TBL1X: variants seen among roughly 807,000 people sequenced by gnomAD.
The protein encoded by TBL1X is transducin beta like 1 X-linked, also known as F-box-like/WD repeat-containing protein TBL1X.
A neutral mutation model predicts 50.7 loss-of-function variants in TBL1X; 10 were observed. That is an observed-to-expected ratio of 0.20 (90% confidence interval 0.12 to 0.33). The LOEUF (loss-of-function observed/expected upper bound fraction) is 0.33, where lower values mean the gene tolerates loss of function less well. TBL1X is among the 10% of genes least tolerant of loss of function. The probability of loss-of-function intolerance (pLI) is 1.00; values close to 1 mark genes in which losing one functional copy is unlikely to be tolerated. For missense variants in TBL1X, 340 were observed against 504.4 expected, an observed-to-expected ratio of 0.67 and a Z score of 3.12; for synonymous variants, 190 against 214.7, an observed-to-expected ratio of 0.88 and a Z score of 1.01.
At chrX:9,616,971 C>T (rs916259362) in intron 2 of TBL1X, among the ~76,000 whole-genome samples, 9 of 111,618 alleles carry the variant, frequency 8.1e-5, no homozygotes, top group Admixed American at 2.9e-4. Flanking sequence ...CTTTTTTACC[C>T]GTGATGTGCA....
intron 2 of TBL1X, among the ~76,000 whole-genome samples, chrX:9,504,429 C>T (rs1368741273): frequency 1.8e-5 from 2 of 112,050 alleles, no homozygotes; most frequent in Non-Finnish European, 3.8e-5. Context: ...ATCAAGGGCA[C>T]AGAACTGGAC....
rs374281338 is a variant in TBL1X at position 9,653,579 on chromosome X, C to T, written c.-8C>T. 9.7e-5 allele frequency: 113 copies of T among 1,164,400 alleles called. No homozygotes were observed. The highest frequency in any genetic ancestry group is 1.3e-4 in the Non-Finnish European group (109 of 871,359). On this transcript the variant is annotated 5_prime_UTR_variant, in exon 4 of 18. Transcript: ENST00000645353. ...CCTCCTTGCAGAAACATCGAGGTGA[C>T]ATGTAGCATGACCGAGCTCGCTGGC...
At chrX:9,492,733 A>G (rs777057059) in intron 1 of TBL1X, among the ~76,000 whole-genome samples, 40 of 110,328 alleles carry the variant, frequency 3.6e-4, no homozygotes, top group African/African-American at 1.3e-3. Context: ...TCTGTTCGGT[A>G]TGCCTCTGTA....
chrX:9,709,490 G>A (rs1485386631), intron 14 of TBL1X, 143 bp from the exon 15 acceptor site: 24 of 999,470 alleles, frequency 2.4e-5, no homozygotes, highest in African/African-American at 5.7e-5. Context: ...ACTGAGAATC[G>A]CAGCCTCCCT....
intron 5 of TBL1X, among the ~76,000 whole-genome samples, chrX:9,664,934 A>T (rs1431368415): frequency 1.8e-5 from 2 of 111,096 alleles, no homozygotes; most frequent in Non-Finnish European, 3.8e-5. Context: ...GAGTGGGAAG[A>T]CATTTGTCAA....
At chrX:9,489,579 C>T (rs2081930690) in intron 1 of TBL1X, among the ~76,000 whole-genome samples, 1 of 111,380 alleles carries the variant, frequency 9.0e-6, no homozygotes. Flanking sequence ...TGATGTGTCT[C>T]CTCATCAGGG....
At chrX:9,661,713 G>A (rs182621143) in intron 5 of TBL1X, among the ~76,000 whole-genome samples, 62 of 111,137 alleles carry the variant, frequency 5.6e-4, no homozygotes, top group African/African-American at 1.8e-3. Context: ...CCACCAACAC[G>A]CAGCGAGGTT....
At chrX:9,687,828 C>A (rs919673841) in intron 6 of TBL1X, among the ~76,000 whole-genome samples, 189 bp from the exon 7 acceptor site, 2 of 111,205 alleles carry the variant, frequency 1.8e-5, no homozygotes, top group Non-Finnish European at 3.8e-5. Flanking sequence ...GTGTCCCCTT[C>A]CCTGCCCACC....
chrX:9,690,514 C>T (rs1279246011), intron 7 of TBL1X, among the ~76,000 whole-genome samples: 2 of 111,617 alleles, frequency 1.8e-5, no homozygotes, highest in Non-Finnish European at 3.8e-5. Context: ...CCCTTGTGAC[C>T]TCCTTTTACC....
chrX:9,499,148 T>C (rs1034177578), intron 1 of TBL1X, among the ~76,000 whole-genome samples: 4 of 111,718 alleles, frequency 3.6e-5, no homozygotes, highest in African/African-American at 1.3e-4. Context: ...TTCTTATGTG[T>C]TCCTTGGTTC....
At chrX:9,554,725 C>G (rs747293821) in intron 2 of TBL1X, among the ~76,000 whole-genome samples, 2 of 112,120 alleles carry the variant, frequency 1.8e-5, no homozygotes, top group South Asian at 3.7e-4. Flanking sequence ...TCTCAGATCA[C>G]TTTTTTAAAA....
At chrX:9,638,149 T>C (rs1023959678) in intron 2 of TBL1X, among the ~76,000 whole-genome samples, 2 of 111,613 alleles carry the variant, frequency 1.8e-5, no homozygotes, top group Admixed American at 1.9e-4. Flanking sequence ...CCATGTTCAA[T>C]GTGGAGGGAC....
At chrX:9,518,331 G>C (rs781743641) in intron 2 of TBL1X, among the ~76,000 whole-genome samples, 1 of 111,319 alleles carries the variant, frequency 9.0e-6, no homozygotes, top group East Asian at 2.8e-4. Flanking sequence ...GTGTAGTTCT[G>C]AGTGCTTGAA....
chrX:9,656,333 A>C (rs1320177138), intron 5 of TBL1X, among the ~76,000 whole-genome samples: 1 of 112,731 alleles, frequency 8.9e-6, no homozygotes, highest in Non-Finnish European at 1.9e-5. Context: ...AAAGAGACTC[A>C]CAGCTCTTGT....
At chrX:9,572,993 A>G (rs1234101296) in intron 2 of TBL1X, among the ~76,000 whole-genome samples, 1 of 112,772 alleles carries the variant, frequency 8.9e-6, no homozygotes, top group Non-Finnish European at 1.9e-5. Flanking sequence ...TTCTGTTGGC[A>G]TTTTAAAGTC....
chrX:9,659,407 G>C (rs770657843), intron 5 of TBL1X, among the ~76,000 whole-genome samples: 2 of 112,348 alleles, frequency 1.8e-5, no homozygotes, highest in East Asian at 5.6e-4. Context: ...TTATGCATTT[G>C]AGATTCATGC....
At chrX:9,530,227 C>T (rs768618115) in intron 2 of TBL1X, among the ~76,000 whole-genome samples, 2 of 112,270 alleles carry the variant, frequency 1.8e-5, no homozygotes, top group East Asian at 2.8e-4. Context: ...ATTCTCCCAT[C>T]TGTCTCCTTT....
At chrX:9,543,283 A>G (rs2082224637) in intron 2 of TBL1X, among the ~76,000 whole-genome samples, 1 of 111,584 alleles carries the variant, frequency 9.0e-6, no homozygotes, top group Non-Finnish European at 1.9e-5. Flanking sequence ...TCTGTTGTCT[A>G]GGGGAAGGAA....
At chrX:9,488,833 C>CT (rs2081926922) in intron 1 of TBL1X, among the ~76,000 whole-genome samples, 1 of 111,212 alleles carries the variant, frequency 9.0e-6, no homozygotes, top group Non-Finnish European at 1.9e-5. Context: ...TGCTCACTCA[C>CT]TGAGTCGATT....
Sources: allele counts gnomAD v4.1 joint callset (sites outside exome capture counted in the v4.1 genomes callset), GRCh38; gene constraint gnomAD v4.1.1; transcripts MANE v1.5; gene names NCBI Gene and HGNC (gene_info 2026-07-23, HGNC 2026-07-21).